The following CLUAP1 variants were observed in gnomAD, a reference collection of about 807,000 sequenced individuals.
The protein encoded by CLUAP1 is intraflagellar transport 38.
CLUAP1 carries 50 observed loss-of-function variants against 55.0 expected under a neutral mutation model. That is an observed-to-expected ratio of 0.91 (90% CI 0.72 to 1.15). The LOEUF (loss-of-function observed/expected upper bound fraction) is 1.15, where lower values mean the gene tolerates loss of function less well. Ranked by LOEUF, CLUAP1 falls within the 50% of genes most tolerant of loss-of-function variation. The probability of loss-of-function intolerance (pLI) is 0.00; values close to 1 mark genes in which losing one functional copy is unlikely to be tolerated. For missense variants in CLUAP1, 530 were observed against 507.6 expected, an observed-to-expected ratio of 1.04 and a Z score of -0.42; for synonymous variants, 195 against 175.4, an observed-to-expected ratio of 1.11 and a Z score of -0.88.
At chr16:3,506,498 T>A (rs78851263) in intron 3 of CLUAP1, 83 bp downstream of exon 3, 26,145 of 1,063,832 alleles carry the variant, frequency 0.025, 637 homozygotes, top group African/African-American at 0.11. Flanking sequence ...TTTCAAACTG[T>A]GTAATTGAGT....
intron 8 of CLUAP1, among the ~76,000 whole-genome samples, chr16:3,525,292 C>G (rs893431917): frequency 6.6e-6 from 1 of 152,178 alleles, no homozygotes; most frequent in Non-Finnish European, 1.5e-5. Context: ...GGGGCCACCT[C>G]TGGGTTCAGA....
At chr16:3,523,505 T>G (rs1195315048) in intron 8 of CLUAP1, among the ~76,000 whole-genome samples, 2 of 152,248 alleles carry the variant, frequency 1.3e-5, no homozygotes, top group African/African-American at 4.8e-5. Context: ...TGATGTCATA[T>G]TTCATCAGGT....
At chr16:3,523,543 C>T (rs953492726) in intron 8 of CLUAP1, among the ~76,000 whole-genome samples, 2 of 152,178 alleles carry the variant, frequency 1.3e-5, no homozygotes, top group Non-Finnish European at 1.5e-5. Flanking sequence ...CAGACAGGGC[C>T]GACATGAGGC....
At chr16:3,503,415 G>A (rs968989592) in intron 1 of CLUAP1, among the ~76,000 whole-genome samples, 9 of 152,100 alleles carry the variant, frequency 5.9e-5, no homozygotes, top group African/African-American at 1.7e-4. Flanking sequence ...CACTCGCCTC[G>A]GCCTCCCAGA....
At chr16:3,500,366 ATTT>A (rs35022426), upstream of CLUAP1, among the ~76,000 whole-genome samples, 57 of 115,526 alleles carry the variant, frequency 4.9e-4, no homozygotes, top group African/African-American at 1.7e-3. Flanking sequence ...AGTATAGTGC[ATTT>A]TTTTTTTTTT....
upstream of CLUAP1, among the ~76,000 whole-genome samples, chr16:3,499,452 C>T (rs60624155): frequency 0.013 from 1,941 of 152,304 alleles, 46 homozygotes; most frequent in African/African-American, 0.044. Flanking sequence ...AGGTTTTTAA[C>T]GTGTTACCTG....
intron 4 of CLUAP1, chr16:3,509,846 G>A (rs2151046607): frequency 6.6e-6 from 1 of 152,568 alleles, no homozygotes; most frequent in Middle Eastern, 3.4e-3. Flanking sequence ...GTTTTGTTTT[G>A]AGACGGAGTT....
upstream of CLUAP1, chr16:3,496,694 A>G: frequency 1.9e-6 from 1 of 533,062 alleles, no homozygotes; most frequent in Non-Finnish European, 3.8e-6. Context: ...CAGCCACACC[A>G]AACGCTATTT....
intron 11 of CLUAP1, 170 bp downstream of exon 11, chr16:3,533,011 T>A: frequency 1.4e-6 from 2 of 1,380,180 alleles, no homozygotes; most frequent in Non-Finnish European, 2.0e-6. Flanking sequence ...TCTTCGTTGC[T>A]CGTGGATGGC....
At chr16:3,496,473 G>A (rs1233336544), upstream of CLUAP1, 5 of 814,938 alleles carry the variant, frequency 6.1e-6, no homozygotes, top group African/African-American at 1.7e-5. Flanking sequence ...AACGGATGAC[G>A]CGAGGGTTCA....
chr16:3,531,516 C>T (rs1172105015), intron 10 of CLUAP1, among the ~76,000 whole-genome samples: 3 of 149,660 alleles, frequency 2.0e-5, no homozygotes, highest in Non-Finnish European at 1.5e-5. Context: ...AGTGAGACTC[C>T]GTCTCAAAAA....
At chr16:3,502,310 G>A (rs2151038529) in intron 1 of CLUAP1, among the ~76,000 whole-genome samples, 1 of 152,176 alleles carries the variant, frequency 6.6e-6, no homozygotes, top group Non-Finnish European at 1.5e-5. Context: ...CGGGCATGGT[G>A]GCGCGCGTCT....
intron 6 of CLUAP1, among the ~76,000 whole-genome samples, chr16:3,518,875 C>A (rs2037778437): frequency 6.6e-6 from 1 of 152,138 alleles, no homozygotes; most frequent in Non-Finnish European, 1.5e-5. Flanking sequence ...CTGTGGAGCC[C>A]ATAGCTTTTC....
chr16:3,511,994 C>G (rs566590999), intron 4 of CLUAP1, among the ~76,000 whole-genome samples: 6 of 152,092 alleles, frequency 3.9e-5, no homozygotes, highest in African/African-American at 1.2e-4. Context: ...CAAGAGCAGC[C>G]TGACCAACAT....
intron 5 of CLUAP1, among the ~76,000 whole-genome samples, chr16:3,514,733 G>A (rs893077736): frequency 6.6e-6 from 1 of 152,238 alleles, no homozygotes; most frequent in African/African-American, 2.4e-5. Context: ...ATGGCAGCAG[G>A]GGTGAGGGAT....
chr16:3,512,238 A>G, intron 4 of CLUAP1, 145 bp from the exon 5 acceptor site: 1 of 576,676 alleles, frequency 1.7e-6, no homozygotes, highest in South Asian at 2.2e-5. Flanking sequence ...GGTTCTGCCT[A>G]TAATCCCAAC....
rs115586816 is a variant in CLUAP1 at position 3,530,780 on chromosome 16, G to T, written c.1036+105G>T. The stretch of plus-strand genomic sequence containing the variant: ...TAGTATTGAGGCCCACAAGCGTGCT[G>T]CGAATGGCCCCTAGAAGCAGCTCTT... On this transcript the variant is annotated intron_variant, in intron 10 of 11. Coordinates refer to ENST00000576634, the MANE Select transcript of CLUAP1 (RefSeq NM_015041.3). 7.5e-4 allele frequency: 584 copies of T among 774,798 alleles called. 4 individuals carry two copies. The African/African-American group carries it at 9.0e-3, about 12-fold the overall frequency. The allele number at this position is 774,798 out of a possible 1,614,324, so 48.0% of individuals were successfully genotyped here.
chr16:3,521,259 C>T (rs928939452), intron 7 of CLUAP1, among the ~76,000 whole-genome samples: 4 of 151,682 alleles, frequency 2.6e-5, no homozygotes, highest in Admixed American at 1.3e-4. Flanking sequence ...TTTTGTTAAG[C>T]TCCAAATCAT....
intron 11 of CLUAP1, chr16:3,535,383 T>TA (rs1038252826): frequency 1.3e-5 from 2 of 152,090 alleles, no homozygotes; most frequent in African/African-American, 4.8e-5. Context: ...TTTGGGGTTT[T>TA]TTTTCAAGAA....
Sources: gnomAD v4.1 joint callset for allele counts (sites outside exome capture counted in the v4.1 genomes callset) on GRCh38, gnomAD v4.1.1 for gene constraint, MANE v1.5 for transcripts, NCBI Gene and HGNC (gene_info 2026-07-23, HGNC 2026-07-21) for gene names.